Variants in COL11A2 observed in about 807,000 individuals in gnomAD.
COL11A2 encodes collagen type XI alpha 2 chain.
In COL11A2, 116 loss-of-function variants were observed where a neutral mutation model predicts 273.4. The observed-to-expected ratio is 0.42, with a 90% CI of 0.36 to 0.49. The LOEUF is 0.49. COL11A2 is among the 20% of genes least tolerant of loss of function. The pLI is 0.00. For missense variants in COL11A2, 1,866 were observed against 2,309.0 expected (o/e 0.81, Z 3.93); for synonymous variants, 782 against 864.2 (o/e 0.90, Z 1.67).
chr6:33,180,462 C>A lies in COL11A2; in HGVS notation c.1285-130G>T, dbSNP rs370483538. On this transcript the variant is annotated intron_variant, in intron 11 of 65. Coordinates refer to ENST00000341947, the MANE Select transcript of COL11A2 (RefSeq NM_080680.3). ...TCTAGCTCTTTCCTGAGTCTCCCAC[C>A]CCCATGGGGAAAATTGAGGGTGAGA... is the stretch of plus-strand genomic sequence containing the variant. 3.2e-5 allele frequency: 31 copies of A among 956,610 alleles called. No homozygotes were observed. The African/African-American group carries it at 4.6e-4, about 14-fold the overall frequency. 59.3% of individuals were successfully genotyped at this position (956,610 alleles called of 1,614,324 possible).
rs1211352687 is a variant in COL11A2 at position 33,179,808 on chromosome 6, G to A, written c.1360-3C>T. 6 of 1,610,488 alleles carry A rather than the reference G, an allele frequency of 3.7e-6. No homozygotes were observed. Among genetic ancestry groups the A allele is most frequent in the Non-Finnish European group, 5.1e-6 (6 of 1,179,822 alleles). On this transcript the variant is annotated splice_region_variant and splice_polypyrimidine_tract_variant and intron_variant, in intron 12 of 65. Transcript: ENST00000341947. The surrounding 1 kb of genome is among the most constrained non-coding windows in gnomAD (Gnocchi z 6.4). ...CCCCCACCACTGCCAAACCGGAACT[G>A]AGGTCAAGGAGAGAAGGTCCAGGTT...
At chr6:33,174,443 A>G (rs1770612797) in intron 31 of COL11A2, 84 bp downstream of exon 31, 2 of 1,552,550 alleles carry the variant, frequency 1.3e-6, no homozygotes, top group East Asian at 4.5e-5. Context: ...ACTGCCCTGC[A>G]TCTGTGCTTT....
At position 33,167,135 on chromosome 6, in the gene COL11A2, T is replaced by A. The variant is rs775976642; in HGVS notation, c.4177-12A>T. 1.2e-6 allele frequency: 2 copies of A among 1,614,024 alleles called. No individual in the cohort carries two copies. Among genetic ancestry groups the A allele is most frequent in the Non-Finnish European group, 1.7e-6 (2 of 1,179,948 alleles). ...AGCCCTGGGGGTCCCTGTGGAGAGA[T>A]GGGAAGTCATTCTCTTAAGGGAGAG... On this transcript the variant is annotated splice_polypyrimidine_tract_variant and intron_variant, in intron 57 of 65. Coordinates refer to ENST00000341947, the MANE Select transcript of COL11A2 (RefSeq NM_080680.3). The surrounding 1 kb of genome is among the most constrained non-coding windows in gnomAD (Gnocchi z 6.1).
In COL11A2 at chr6:33,166,882, G is replaced by A; in HGVS notation, c.4231-55C>T. The A allele has an allele frequency of 6.3e-7, 1 of 1,581,178 alleles. No individual in the cohort carries two copies. Among genetic ancestry groups the A allele is most frequent in the Admixed American group, 1.7e-5 (1 of 57,332 alleles). ...TGCAAAGAGGAGTCATGTGGATGGG[G>A]GAGAAGGGCCAAGAGGACATGGAGA... On this transcript the variant is annotated intron_variant, in intron 58 of 65. Coordinates refer to ENST00000341947, the MANE Select transcript of COL11A2 (RefSeq NM_080680.3). This position sits in a 1 kb window ranked among gnomAD's most constrained non-coding sequence, Gnocchi z 4.8.
Position 33,183,997 on chromosome 6 carries a change from C to T in COL11A2, c.1119+148G>A, listed in dbSNP as rs949332642. The T allele has an allele frequency of 2.5e-5, 15 of 610,050 alleles. No homozygotes were observed. In the African/African-American group the frequency reaches 2.7e-4, roughly 11 times the overall value. 37.8% of individuals were successfully genotyped at this position (610,050 alleles called of 1,614,324 possible). A position where few individuals can be genotyped will look rare whatever the true frequency, so the allele number is the denominator to read the frequency against. ...GAAGGCAGGTAGTAATCTTTTCAAG[C>T]AACATATACATCATATGTGAACAGA... On this transcript the variant is annotated intron_variant, in intron 8 of 65. Coordinates refer to ENST00000341947, the MANE Select transcript of COL11A2 (RefSeq NM_080680.3).
chr6:33,190,489 CAT>C lies in COL11A2; in HGVS notation c.83-1022_83-1021del, dbSNP rs756884002. 1.3e-5 allele frequency among the ~76,000 whole-genome samples: 2 copies of C among 152,162 alleles called. No individual in the cohort carries two copies. The highest frequency in any genetic ancestry group is 2.4e-5 in the African/African-American group (1 of 41,426). On this transcript the variant is annotated intron_variant, in intron 1 of 65. Coordinates refer to ENST00000341947, the MANE Select transcript of COL11A2 (RefSeq NM_080680.3). This position sits in a 1 kb window ranked among gnomAD's most constrained non-coding sequence, Gnocchi z 4.5. ...TTGCCCTCACTTGCTCCCCTATACACATACTCTTCACACCATCAGCTCCAGAT... is the reference window on the plus strand; with the variant it reads ...TTGCCCTCACTTGCTCCCCTATACACACTCTTCACACCATCAGCTCCAGAT...
chr6:33,188,064 G>A (rs1016546791), intron 4 of COL11A2, among the ~76,000 whole-genome samples: 3 of 151,866 alleles, frequency 2.0e-5, no homozygotes, highest in Non-Finnish European at 2.9e-5. Flanking sequence ...GGTTGGCTGA[G>A]GAGTGAGTGA....
At chr6:33,182,647 G>T (rs891058026) in intron 8 of COL11A2, among the ~76,000 whole-genome samples, 1 of 151,694 alleles carries the variant, frequency 6.6e-6, no homozygotes, top group Non-Finnish European at 1.5e-5. Flanking sequence ...GGAGGCAGAG[G>T]TTGCAGTAAG....
In COL11A2 at chr6:33,179,793, T is replaced by C. The variant is rs1341640308; in HGVS notation, c.1372A>G (p.Ser458Gly). The change falls in exon 13 of 66, where the codon AGT becomes GGT. Residue 458 changes from serine (S) to glycine (G), a missense_variant. By Grantham distance (56) the Ser-to-Gly change is moderately conservative. Coordinates refer to ENST00000341947, the MANE Select transcript of COL11A2 (RefSeq NM_080680.3). The surrounding 1 kb of genome is among the most constrained non-coding windows in gnomAD (Gnocchi z 6.4). ...ACAGGGCCCTTGTCACCCCCACCAC[T>C]GCCAAACCGGAACTGAGGTCAAGGA... ...TSLMLPFRFG[S>G]GGGDKGPVVA... is the part of the protein sequence containing the mutation. 6 of 1,611,428 alleles carry C rather than the reference T, an allele frequency of 3.7e-6. No homozygotes were observed. The highest frequency in any genetic ancestry group is 5.1e-6 in the Non-Finnish European group (6 of 1,179,976).
intron 7 of COL11A2, 146 bp from the exon 8 acceptor site, chr6:33,184,470 G>T: frequency 1.9e-6 from 1 of 517,590 alleles, no homozygotes; most frequent in Non-Finnish European, 3.1e-6. Context: ...GAATAGCCAT[G>T]GGAGTGGTTG....
chr6:33,176,205 AAG>A lies in COL11A2; in HGVS notation c.2214+52_2214+53del. 2 of 1,607,410 alleles carry A rather than the reference AAG, an allele frequency of 1.2e-6. No individual in the cohort carries two copies. Among genetic ancestry groups the A allele is most frequent in the Non-Finnish European group, 1.7e-6 (2 of 1,175,862 alleles). ...GGGGCAGGCTGGAGGGAAGGCAGTG[AAG>A]AGAGGAGATGGCAGGACTGAGGTGC... On this transcript the variant is annotated intron_variant, in intron 28 of 65. Transcript: ENST00000341947. This position sits in a 1 kb window ranked among gnomAD's most constrained non-coding sequence, Gnocchi z 4.9.
chr6:33,175,276 C>T (rs1248423128), intron 30 of COL11A2, among the ~76,000 whole-genome samples: 1 of 152,150 alleles, frequency 6.6e-6, no homozygotes, highest in East Asian at 1.9e-4. Flanking sequence ...TAGACTCTCT[C>T]ATCTCAGAAC....
Position 33,179,922 on chromosome 6 carries a change from TC to T in COL11A2, c.1360-118del. 2 of 931,352 alleles carry T rather than the reference TC, an allele frequency of 2.1e-6. No homozygotes were observed. Among genetic ancestry groups the T allele is most frequent in the South Asian group, 2.7e-5 (2 of 74,926 alleles). 57.7% of individuals were successfully genotyped at this position (931,352 alleles called of 1,614,324 possible). A position where few individuals can be genotyped will look rare whatever the true frequency, so the allele number is the denominator to read the frequency against. ...CCCCAGGTTCTGCCCATCCAGCATTTCCCATGGCTTCCAGATAATCACTTAG... is the reference window on the plus strand; with the variant it reads ...CCCCAGGTTCTGCCCATCCAGCATTTCCATGGCTTCCAGATAATCACTTAG... On this transcript the variant is annotated intron_variant, in intron 12 of 65. Transcript: ENST00000341947. This position sits in a 1 kb window ranked among gnomAD's most constrained non-coding sequence, Gnocchi z 6.4.
In COL11A2 at chr6:33,169,598, A is replaced by G. The variant is rs1375554534; in HGVS notation, c.3691-108T>C. On this transcript the variant is annotated intron_variant, in intron 50 of 65. Transcript: ENST00000341947. This position sits in a 1 kb window ranked among gnomAD's most constrained non-coding sequence, Gnocchi z 5.5. ...CCATCCCCTACTCCCCTCAGTGACAATGGGACATACACAGAAAGTCAAGCC... is the reference window on the plus strand; with the variant it reads ...CCATCCCCTACTCCCCTCAGTGACAGTGGGACATACACAGAAAGTCAAGCC... The G allele has an allele frequency of 1.7e-6, 2 of 1,173,626 alleles. No homozygotes were observed. The highest frequency in any genetic ancestry group is 2.5e-6 in the Non-Finnish European group (2 of 795,978). 72.7% of individuals were successfully genotyped at this position (1,173,626 alleles called of 1,614,324 possible). A position where few individuals can be genotyped will look rare whatever the true frequency, so the allele number is the denominator to read the frequency against.
At chr6:33,168,663 G>A (rs769066753) in intron 53 of COL11A2, 43 bp downstream of exon 53, 6 of 1,593,096 alleles carry the variant, frequency 3.8e-6, no homozygotes, top group East Asian at 4.6e-5. Flanking sequence ...TAAAGAGGAT[G>A]AGGCTTGGGC....
chr6:33,168,687 G>A lies in COL11A2; in HGVS notation c.3906+19C>T. ...TGAGGCTTGGGCTCAGGGGGGTGGT[G>A]GGGTCACCAGGCACTCACAGGCTGT... On this transcript the variant is annotated intron_variant, in intron 53 of 65. Transcript: ENST00000341947. 6.3e-7 allele frequency: 1 copy of A among 1,589,494 alleles called. No individual in the cohort carries two copies. The highest frequency in any genetic ancestry group is 8.6e-7 in the Non-Finnish European group (1 of 1,167,554).
In COL11A2 at chr6:33,180,967, A is replaced by G; in HGVS notation, c.1218T>C (p.Pro406=). 2 of 1,613,832 alleles carry G rather than the reference A, an allele frequency of 1.2e-6. No individual in the cohort carries two copies. The highest frequency in any genetic ancestry group is 2.2e-5 in the East Asian group (1 of 44,844). The change falls in exon 10 of 66, where the codon CCT becomes CCC. Residue 406 remains proline, a synonymous_variant. Transcript: ENST00000341947. ...ACCAGGTCACTGCTAGACTTACCGC[A>G]GGGCCTTCTGGGCCAGGGGGCCCCT... The part of the protein sequence containing the change: ...LVEGPPGPEG[P]AGLIGPPGIQ...
chr6:33,177,115 A>T lies in COL11A2; in HGVS notation c.2016+66T>A. 6.2e-7 allele frequency: 1 copy of T among 1,612,478 alleles called. No homozygotes were observed. Among genetic ancestry groups the T allele is most frequent in the Non-Finnish European group, 8.5e-7 (1 of 1,179,622 alleles). ...CTGGACACAGACAAAATCCCAGCAG[A>T]CATTTAGGGTTCTCCCTACATCCCC... is the stretch of plus-strand genomic sequence containing the variant. On this transcript the variant is annotated intron_variant, in intron 24 of 65. Coordinates refer to ENST00000341947, the MANE Select transcript of COL11A2 (RefSeq NM_080680.3). The surrounding 1 kb of genome is among the most constrained non-coding windows in gnomAD (Gnocchi z 5.9).
In COL11A2 at chr6:33,176,873, G is replaced by A; in HGVS notation, c.2071-108C>T. ...TTCCTGTGACCTAGTGAAGCCAACT[G>A]TCCATGGACAAGCACCACCAGTGAC... On this transcript the variant is annotated intron_variant, in intron 25 of 65. Transcript: ENST00000341947. The surrounding 1 kb of genome is among the most constrained non-coding windows in gnomAD (Gnocchi z 4.9). The A allele has an allele frequency of 2.6e-6, 4 of 1,533,190 alleles. No homozygotes were observed. The highest frequency in any genetic ancestry group is 3.6e-6 in the Non-Finnish European group (4 of 1,123,466). 95.0% of individuals were successfully genotyped at this position (1,533,190 alleles called of 1,614,324 possible). A position where few individuals can be genotyped will look rare whatever the true frequency, so the allele number is the denominator to read the frequency against.
Sources: gnomAD v4.1 joint callset for allele counts (sites outside exome capture counted in the v4.1 genomes callset) on GRCh38, gnomAD v4.1.1 for gene constraint, Gnocchi (gnomAD v3.1) non-coding constraint, MANE v1.5 for transcripts, NCBI Gene and HGNC (gene_info 2026-07-23, HGNC 2026-07-21) for gene names.